Variants in TMEM232 observed in about 807,000 individuals in gnomAD.
TMEM232 encodes transmembrane protein 232.
TMEM232 carries 80 observed loss-of-function variants against 78.8 expected under a neutral mutation model. The ratio of observed to expected loss-of-function variants is 1.01; its 90% CI spans 0.85 to 1.22. TMEM232 has a LOEUF of 1.22. TMEM232 is among the 50% of genes most tolerant of loss of function. The probability of loss-of-function intolerance (pLI) is 0.00; values close to 1 mark genes in which losing one functional copy is unlikely to be tolerated. For synonymous variants in TMEM232, 297 were observed against 254.3 expected (o/e 1.17, Z -1.60); for missense variants, 881 against 742.2 (o/e 1.19, Z -2.17).
chr5:110,399,740 C>A (rs889474143), intron 2 of TMEM232, among the ~76,000 whole-genome samples: 1 of 152,116 alleles, frequency 6.6e-6, no homozygotes, highest in Non-Finnish European at 1.5e-5. Flanking sequence ...GACTTCACAT[C>A]AACACACAGT....
intron 2 of TMEM232, among the ~76,000 whole-genome samples, chr5:110,406,651 C>T (rs969587941): frequency 6.6e-6 from 1 of 151,986 alleles, no homozygotes; most frequent in East Asian, 1.9e-4. Context: ...AGGTATGAAC[C>T]CACTGGTAAA....
At chr5:110,598,601 A>C (rs981411924) in intron 10 of TMEM232, among the ~76,000 whole-genome samples, 1 of 152,004 alleles carries the variant, frequency 6.6e-6, no homozygotes, top group Admixed American at 6.6e-5. Flanking sequence ...GCAAAGACTT[A>C]GAACCAACCC....
intron 11 of TMEM232, among the ~76,000 whole-genome samples, chr5:110,536,208 G>A (rs1772330893): frequency 6.6e-6 from 1 of 152,202 alleles, no homozygotes; most frequent in African/African-American, 2.4e-5. Flanking sequence ...GCCAATCTCT[G>A]GAGAAATGGA....
intron 1 of TMEM232, among the ~76,000 whole-genome samples, chr5:110,707,007 T>A (rs192740158): frequency 5.9e-5 from 9 of 152,194 alleles, no homozygotes; most frequent in African/African-American, 1.9e-4. Context: ...GTCTTCAAAG[T>A]CCTCCCTTGG....
At chr5:110,592,086 A>G (rs1779611291) in intron 10 of TMEM232, among the ~76,000 whole-genome samples, 1 of 152,168 alleles carries the variant, frequency 6.6e-6, no homozygotes. Context: ...ACAATGGACC[A>G]CATCAGTACA....
chr5:110,633,962 T>C (rs1464525287), intron 5 of TMEM232, among the ~76,000 whole-genome samples: 1 of 152,128 alleles, frequency 6.6e-6, no homozygotes, highest in Non-Finnish European at 1.5e-5. Flanking sequence ...AAATGCACCT[T>C]ACCTGTAAAG....
chr5:110,582,527 A>T (rs1415306901), intron 10 of TMEM232, among the ~76,000 whole-genome samples: 1 of 151,902 alleles, frequency 6.6e-6, no homozygotes, highest in Non-Finnish European at 1.5e-5. Context: ...CGAGGGGAAG[A>T]GGCAGTGGCT....
intron 12 of TMEM232, among the ~76,000 whole-genome samples, chr5:110,428,876 A>G (rs1376945372): frequency 2.6e-5 from 4 of 151,864 alleles, no homozygotes; most frequent in Non-Finnish European, 5.9e-5. Flanking sequence ...ACTTAGTCAT[A>G]TCTTTTGGGG....
chr5:110,468,402 T>C (rs569948733), intron 12 of TMEM232, among the ~76,000 whole-genome samples: 101 of 152,098 alleles, frequency 6.6e-4, no homozygotes, highest in Non-Finnish European at 1.2e-3. Flanking sequence ...AAACTGAGAG[T>C]ATAGACATAC....
chr5:110,669,480 A>T (rs1158963014), intron 1 of TMEM232, among the ~76,000 whole-genome samples: 1 of 152,232 alleles, frequency 6.6e-6, no homozygotes, highest in Non-Finnish European at 1.5e-5. Context: ...AAATTGAGGC[A>T]ATAATTAATA....
Position 110,419,569 on chromosome 5 carries a change from C to T in TMEM232, c.*1011G>A, listed in dbSNP as rs147056223. ...CTTCTTGAAAGGCTGGATGATTTTA[C>T]AATACTGACATACATTTTGGAATGT... On this transcript the variant is annotated 3_prime_UTR_variant, in exon 14 of 14. Coordinates refer to ENST00000455884, the MANE Select transcript of TMEM232 (RefSeq NM_001039763.4). 6.6e-6 allele frequency among the ~76,000 whole-genome samples: 1 copy of T among 152,020 alleles called. No homozygotes were observed. The highest frequency in any genetic ancestry group is 1.5e-5 in the Non-Finnish European group (1 of 67,944).
chr5:110,550,378 T>A (rs1442038064), intron 11 of TMEM232, among the ~76,000 whole-genome samples: 1 of 152,112 alleles, frequency 6.6e-6, no homozygotes, highest in Non-Finnish European at 1.5e-5. Context: ...AACATACATG[T>A]CCAGCATCAT....
In TMEM232 at chr5:110,627,818, A is replaced by G. The variant is rs1296276285; in HGVS notation, c.564T>C (p.Phe188=). 6 of 1,536,552 alleles carry G rather than the reference A, an allele frequency of 3.9e-6. No homozygotes were observed. The highest frequency in any genetic ancestry group is 5.3e-6 in the Non-Finnish European group (6 of 1,142,726). The change falls in exon 6 of 14, where the codon TTT becomes TTC. Residue 188 remains phenylalanine (F), a synonymous_variant. Transcript: ENST00000455884. The stretch of plus-strand genomic sequence containing the variant: ...GTTGAAGCCTAAGTAAATGTTGTTT[A>G]AAACTTTCTAGATGACCATGCAGGA... ...IFFLHGHLES[F]KQHLLRLQPY...
chr5:110,644,760 A>C (rs572858546), intron 2 of TMEM232, among the ~76,000 whole-genome samples: 1 of 151,818 alleles, frequency 6.6e-6, no homozygotes, highest in African/African-American at 2.4e-5. Context: ...TAAATATAAG[A>C]AGTAGAAATA....
chr5:110,537,678 A>G (rs1351510578), intron 11 of TMEM232, among the ~76,000 whole-genome samples: 1 of 152,206 alleles, frequency 6.6e-6, no homozygotes, highest in African/African-American at 2.4e-5. Context: ...AAAGGAGAAC[A>G]TCGTATTAAC....
intron 5 of TMEM232, among the ~76,000 whole-genome samples, chr5:110,637,261 G>C (rs1785977119): frequency 6.6e-6 from 1 of 151,418 alleles, no homozygotes; most frequent in South Asian, 2.1e-4. Context: ...GTAATATCTT[G>C]ACTATTTTCT....
chr5:110,519,738 GAACA>G (rs949996745), intron 12 of TMEM232, among the ~76,000 whole-genome samples: 9 of 151,686 alleles, frequency 5.9e-5, no homozygotes, highest in African/African-American at 1.7e-4. Flanking sequence ...ATCAATAGAT[GAACA>G]AATAAAGGAA....
At chr5:110,655,403 A>C (rs1466920444) in intron 2 of TMEM232, among the ~76,000 whole-genome samples, 1 of 148,776 alleles carries the variant, frequency 6.7e-6, no homozygotes, top group African/African-American at 2.5e-5. Flanking sequence ...AAGTCAGGAA[A>C]CAACAGGTGC....
At chr5:110,437,398 G>T (rs1006151719) in intron 12 of TMEM232, among the ~76,000 whole-genome samples, 40 of 151,770 alleles carry the variant, frequency 2.6e-4, no homozygotes, top group African/African-American at 8.7e-4. Context: ...CAATTTTAAA[G>T]ATGCATATAT....
Sources: allele counts gnomAD v4.1 joint callset (sites outside exome capture counted in the v4.1 genomes callset), GRCh38; gene constraint gnomAD v4.1.1; transcripts MANE v1.5; gene names NCBI Gene and HGNC (gene_info 2026-07-23, HGNC 2026-07-21).